The following PKD1 variants were observed in gnomAD, a reference collection of about 807,000 sequenced individuals.
PKD1 encodes polycystin 1, transient receptor potential channel interacting, also known as polycystin-1.
In PKD1, 81 loss-of-function variants were observed where a neutral mutation model predicts 361.7. The ratio of observed to expected loss-of-function variants is 0.22; its 90% CI spans 0.19 to 0.27. PKD1 has a LOEUF of 0.27. Among genes scored for constraint, PKD1 ranks in the 10% least tolerant of loss-of-function variants. PKD1 has a pLI of 1.00. For synonymous variants in PKD1, 3,615 were observed against 2,818.3 expected (o/e 1.28, Z -8.95); for missense variants, 6,399 against 6,118.3 (o/e 1.05, Z -1.53).
rs745677305 is a variant in PKD1 at position 2,108,542 on chromosome 16, C to T, written c.6625G>A (p.Val2209Met). Residue 2209 changes from valine (V) to methionine (M), a missense_variant, in exon 15 of 46, where the codon GTG becomes ATG. Val to Met is a conservative substitution (Grantham distance 21, BLOSUM62 1). Transcript: ENST00000262304. ...ACCAGCCGAGGCCGGCTCACGTCCACGCCGGGCAGGGCCACACGCGCTGGG... is the reference window on the plus strand; with the variant it reads ...ACCAGCCGAGGCCGGCTCACGTCCATGCCGGGCAGGGCCACACGCGCTGGG... Reference protein sequence around the residue: ...GRPARVALPGVDVSRPRLVLP... With the variant: ...GRPARVALPGMDVSRPRLVLP... 8 of 1,606,578 alleles carry T rather than the reference C, an allele frequency of 5.0e-6. No individual in the cohort carries two copies. The highest frequency in any genetic ancestry group is 2.7e-5 in the African/African-American group (2 of 74,760).
At chr16:2,091,293 C>CTGCGAGGGGGCGGGACG (rs2091538132) in intron 42 of PKD1, 119 bp from the exon 43 acceptor site, 1 of 350,900 alleles carries the variant, frequency 2.8e-6, no homozygotes, top group Admixed American at 6.9e-5. Flanking sequence ...GGGGCGGGGC[C>CTGCGAGGGGGCGGGACG]CTGCGAGGGG....
At position 2,118,097 on chromosome 16, in the gene PKD1, G is replaced by C; in HGVS notation, c.895C>G (p.Pro299Ala). The C allele has an allele frequency of 1.2e-6, 2 of 1,606,894 alleles. No individual in the cohort carries two copies. Among genetic ancestry groups the C allele is most frequent in the Non-Finnish European group, 1.7e-6 (2 of 1,178,904 alleles). ...LAAFHIAAPL[P>A]VTATRWDFGD... is the part of the protein sequence containing the mutation. The stretch of plus-strand genomic sequence containing the variant: ...AAGTCCCAGCGTGTGGCAGTGACAG[G>C]GAGCGGGGCAGCGATGTGGAAGGCT... The change falls in exon 5 of 46, where the codon CCT becomes GCT. Residue 299 changes from proline (P) to alanine (A), a missense_variant. Pro to Ala is a conservative substitution (Grantham distance 27). Transcript: ENST00000262304. The surrounding 1 kb of genome is among the most constrained non-coding windows in gnomAD (Gnocchi z 6.0).
At chr16:2,114,981 C>T in intron 10 of PKD1, 56 bp from the exon 11 acceptor site, 2 of 1,523,348 alleles carry the variant, frequency 1.3e-6, no homozygotes, top group Non-Finnish European at 1.8e-6. Flanking sequence ...CCCGTGGACC[C>T]CCGCACGACG....
At position 2,111,555 on chromosome 16, in the gene PKD1, C is replaced by A. The variant is rs775947695; in HGVS notation, c.3612G>T (p.Ala1204=). 1.9e-6 allele frequency: 3 copies of A among 1,583,178 alleles called. No individual in the cohort carries two copies. The highest frequency in any genetic ancestry group is 2.7e-5 in the African/African-American group (2 of 74,386). ...GGAGCTCCTCAAAGACGCGCACATCCGCCTGGGCCGCCGCACCGCTCACCG... is the reference window on the plus strand; with the variant it reads ...GGAGCTCCTCAAAGACGCGCACATCAGCCTGGGCCGCCGCACCGCTCACCG... ...NNTVSGAAAQ[A]DVRVFEELRG... is the part of the protein sequence containing the mutation. Residue 1204 remains alanine (A), a synonymous_variant, in exon 15 of 46, where the codon GCG becomes GCT. Transcript: ENST00000262304.
At chr16:2,121,555 A>G (rs1047549682) in intron 1 of PKD1, among the ~76,000 whole-genome samples, 1 of 152,134 alleles carries the variant, frequency 6.6e-6, no homozygotes, top group Non-Finnish European at 1.5e-5. Context: ...GGGCGGCAGC[A>G]TGTCTCTCTT....
In PKD1 at chr16:2,091,491, C is replaced by T; in HGVS notation, c.11644G>A (p.Ala3882Thr). The change falls in exon 42 of 46, where the codon GCC (alanine) becomes ACC (threonine). Residue 3882 changes from alanine (A) to threonine (T), a missense_variant. Transcript: ENST00000262304. ...AGCGCAAAGGGGCGGACGCTGAGGG[C>T]GGCCAGGGCGCGGCCGGCCGCCGGG... ...EFPAAGRALA[A>T]LSVRPFALRR... is the part of the protein sequence containing the mutation. 7.2e-7 allele frequency: 1 copy of T among 1,393,246 alleles called. No individual in the cohort carries two copies. The allele number at this position is 1,393,246 out of a possible 1,614,324, so 86.3% of individuals were successfully genotyped here. A position where few individuals can be genotyped will look rare whatever the true frequency, so the allele number is the denominator to read the frequency against.
At position 2,097,257 on chromosome 16, in the gene PKD1, GC is replaced by G. The variant is rs761967178; in HGVS notation, c.10406-17del. 1.3e-6 allele frequency: 2 copies of G among 1,598,186 alleles called. No individual in the cohort carries two copies. The highest frequency in any genetic ancestry group is 4.5e-5 in the East Asian group (2 of 44,306). ...AGGTCTTCATCTAGAGGTACAGGAGGCATAGGGTGGGCCCAGCTGCAAGGGT... is the reference window on the plus strand; with the variant it reads ...AGGTCTTCATCTAGAGGTACAGGAGGATAGGGTGGGCCCAGCTGCAAGGGT... On this transcript the variant is annotated splice_polypyrimidine_tract_variant and intron_variant, in intron 33 of 45. Transcript: ENST00000262304.
In PKD1 at chr16:2,090,439, C is replaced by T; in HGVS notation, c.12290G>A (p.Gly4097Asp). 2 of 1,612,534 alleles carry T rather than the reference C, an allele frequency of 1.2e-6. No homozygotes were observed. The highest frequency in any genetic ancestry group is 1.7e-6 in the Non-Finnish European group (2 of 1,179,860). ...AATAACAGCCCCCAGCCGTAGGGCG[C>T]CCCACAGCCGCAGTGCCCAGAGCCC... ...CVGLWALRLW[G>D]ALRLGAVILR... Residue 4097 changes from glycine to aspartate, a missense_variant, in exon 45 of 46, where the codon GGC (glycine) becomes GAC (aspartate). Transcript: ENST00000262304.
intron 1 of PKD1, among the ~76,000 whole-genome samples, chr16:2,125,113 G>A (rs1027834302): frequency 6.6e-6 from 1 of 152,260 alleles, no homozygotes; most frequent in Admixed American, 6.5e-5. Context: ...CCTCTGCGCT[G>A]TGCTCCTTTC....
rs763493643 is a variant in PKD1 at position 2,106,561 on chromosome 16, C to T, written c.7326G>A (p.Glu2442=). ...VLRRGVLRDG[E]GYTFTLTVLG... ...GCACCGTGAGCGTGAAGGTGTATCC[C>T]TCGCCGTCCCGCAGCACGCCCCGCC... Residue 2442 remains glutamate, a synonymous_variant, in exon 18 of 46, where the codon GAG becomes GAA. Transcript: ENST00000262304. The surrounding 1 kb of genome is among the most constrained non-coding windows in gnomAD (Gnocchi z 6.5). The T allele has an allele frequency of 2.1e-5, 34 of 1,596,362 alleles. No homozygotes were observed. Among genetic ancestry groups the T allele is most frequent in the Non-Finnish European group, 2.7e-5 (32 of 1,178,962 alleles).
chr16:2,113,336 G>A (rs1274813344), intron 11 of PKD1, 44 bp from the exon 12 acceptor site: 4 of 1,592,502 alleles, frequency 2.5e-6, no homozygotes, highest in East Asian at 4.5e-5. Context: ...GGAGGACTCT[G>A]CCCTTAGCCT....
chr16:2,113,620 A>C (rs1285646944), intron 11 of PKD1, among the ~76,000 whole-genome samples: 1 of 152,142 alleles, frequency 6.6e-6, no homozygotes, highest in Non-Finnish European at 1.5e-5. Context: ...CCAGCTCCTC[A>C]CCCAGAGAGC....
At position 2,091,460 on chromosome 16, in the gene PKD1, C is replaced by T. The variant is rs748887038; in HGVS notation, c.11675G>A (p.Arg3892His). ...ALSVRPFALR[R>H]LSAGLSLPLL... Reference sequence around the variant, plus strand: ...AGGCAGCGAGAGGCCCGCGCTGAGGCGGCGCAGCGCAAAGGGGCGGACGCT... The same window carrying T: ...AGGCAGCGAGAGGCCCGCGCTGAGGTGGCGCAGCGCAAAGGGGCGGACGCT... The change falls in exon 42 of 46, where the codon CGC (arginine) becomes CAC (histidine). Residue 3892 changes from arginine to histidine, a missense_variant. Arg to His is a conservative substitution (Grantham distance 29, BLOSUM62 0). Coordinates refer to ENST00000262304, the MANE Select transcript of PKD1 (RefSeq NM_001009944.3). 837 of 1,260,028 alleles carry T rather than the reference C, an allele frequency of 6.6e-4. 3 individuals are homozygous for T. Among genetic ancestry groups the T allele is most frequent in the Non-Finnish European group, 7.8e-4 (783 of 1,002,128 alleles). The allele number at this position is 1,260,028 out of a possible 1,614,324, so 78.1% of individuals were successfully genotyped here.
intron 30 of PKD1, 118 bp downstream of exon 30, chr16:2,099,526 G>A: frequency 1.2e-6 from 1 of 836,606 alleles, no homozygotes; most frequent in South Asian, 1.4e-5. Context: ...CCCTTCCCGA[G>A]CAGCCTTTGG....
At position 2,103,703 on chromosome 16, in the gene PKD1, C is replaced by G; in HGVS notation, c.8354G>C (p.Gly2785Ala). 1.2e-6 allele frequency: 2 copies of G among 1,609,992 alleles called. No individual in the cohort carries two copies. Among genetic ancestry groups the G allele is most frequent in the Non-Finnish European group, 1.7e-6 (2 of 1,179,510 alleles). The change falls in exon 23 of 46, where the codon GGC becomes GCC. Residue 2785 changes from glycine (G) to alanine (A), a missense_variant. Coordinates refer to ENST00000262304, the MANE Select transcript of PKD1 (RefSeq NM_001009944.3). The stretch of plus-strand genomic sequence containing the variant: ...CAGGCTCCGCGGGTCCGAGCGCTTG[C>G]CCTGGGCCACGATCTCCTCGCCCGC... ...TLAGEEIVAQ[G>A]KRSDPRSLLC...
At chr16:2,099,362 G>A (rs1018260093) in intron 30 of PKD1, 82 of 470,176 alleles carry the variant, frequency 1.7e-4, no homozygotes, top group East Asian at 1.4e-3. Flanking sequence ...GTGCACAGCC[G>A]CGTGCTTGCT....
chr16:2,124,997 T>C lies in PKD1; in HGVS notation c.216-5619A>G, dbSNP rs369887935. ...CGAGAGCAGGCCCAGGGTGAGGAAA[T>C]GGGCTGCAGTGTGGGCGCTGGAGAG... On this transcript the variant is annotated intron_variant, in intron 1 of 45. Coordinates refer to ENST00000262304, the MANE Select transcript of PKD1 (RefSeq NM_001009944.3). 2.6e-5 allele frequency among the ~76,000 whole-genome samples: 4 copies of C among 152,030 alleles called. No individual in the cohort carries two copies. In the South Asian group the frequency reaches 8.3e-4, roughly 32 times the overall value.
At position 2,088,858 on chromosome 16, in the gene PKD1, AGCACACTCGCGCGTGCGCGC is replaced by A. The variant is rs2091264500; in HGVS notation, c.*849_*868del. The A allele has an allele frequency of 1.1e-5, 6 of 560,956 alleles. No homozygotes were observed. Among genetic ancestry groups the A allele is most frequent in the South Asian group, 4.0e-5 (2 of 49,572 alleles). 34.7% of individuals were successfully genotyped at this position (560,956 alleles called of 1,614,324 possible). A position where few individuals can be genotyped will look rare whatever the true frequency, so the allele number is the denominator to read the frequency against. ...GGCCTTGAGGCTGCCTGGGCCATAC[AGCACACTCGCGCGTGCGCGC>A]GCGCACACACACACACACACAGTCA... On this transcript the variant is annotated 3_prime_UTR_variant, in exon 46 of 46. Coordinates refer to ENST00000262304, the MANE Select transcript of PKD1 (RefSeq NM_001009944.3).
At chr16:2,126,295 C>T (rs544549684) in intron 1 of PKD1, among the ~76,000 whole-genome samples, 1 of 152,392 alleles carries the variant, frequency 6.6e-6, no homozygotes, top group Non-Finnish European at 1.5e-5. Context: ...AGCTGGCTTC[C>T]GCCTCTGCCT....
Sources: gnomAD v4.1 joint callset for allele counts (sites outside exome capture counted in the v4.1 genomes callset) on GRCh38, gnomAD v4.1.1 for gene constraint, Gnocchi (gnomAD v3.1) non-coding constraint, MANE v1.5 for transcripts, NCBI Gene and HGNC (gene_info 2026-07-23, HGNC 2026-07-21) for gene names.